Variants in TMEM132C observed in about 807,000 individuals in gnomAD.
TMEM132C encodes the protein transmembrane protein 132C.
In TMEM132C, 29 loss-of-function variants were observed where a neutral mutation model predicts 61.4. The observed-to-expected ratio is 0.47, with a 90% CI of 0.35 to 0.64. The LOEUF (loss-of-function observed/expected upper bound fraction) is 0.64. Ranked by LOEUF, TMEM132C falls within the 30% of genes least tolerant of loss-of-function variation. The pLI is 0.00. For synonymous variants in TMEM132C, 656 were observed against 633.1 expected (o/e 1.04, Z -0.54); for missense variants, 1,408 against 1,476.9 (o/e 0.95, Z 0.76).
chr12:128,587,523 G>A lies in TMEM132C; in HGVS notation c.1122-28629G>A, dbSNP rs113474069. The stretch of plus-strand genomic sequence containing the variant: ...TAGATTTCAGCATCTGGATTTATCC[G>A]GGGGACAGTGAAGGCACAAACATTC... On this transcript the variant is annotated intron_variant, in intron 3 of 8. Coordinates refer to ENST00000435159, the MANE Select transcript of TMEM132C (RefSeq NM_001136103.3). Among the ~76,000 whole-genome samples the A allele has an allele frequency of 1.8e-3, 268 of 152,344 alleles. 1 individual carries two copies. Among genetic ancestry groups the A allele is most frequent in the African/African-American group, 5.8e-3 (243 of 41,586 alleles).
At position 128,287,945 on chromosome 12, in the gene TMEM132C, G is replaced by T. The variant is rs914639074; in HGVS notation, c.85+20458G>T. Among the ~76,000 whole-genome samples the T allele has an allele frequency of 3.3e-5, 5 of 152,052 alleles. No individual in the cohort carries two copies. In the East Asian group the frequency reaches 9.6e-4, roughly 29 times the overall value. ...TGGAGGTAATAGCTGCATTCATTTC[G>T]AATTGATCTAGCCCTTCCGGACATT... On this transcript the variant is annotated intron_variant, in intron 1 of 8. Transcript: ENST00000435159.
At chr12:128,675,834 ATAGAAGATAGAT>A (rs1463778884) in intron 5 of TMEM132C, among the ~76,000 whole-genome samples, 15 of 146,012 alleles carry the variant, frequency 1.0e-4, no homozygotes, top group Non-Finnish European at 1.4e-4. Flanking sequence ...ATTTAGATAG[ATAGAAGATAGAT>A]AGATAGATAG....
chr12:128,553,575 T>C (rs1415327281), intron 3 of TMEM132C, among the ~76,000 whole-genome samples: 1 of 152,230 alleles, frequency 6.6e-6, no homozygotes, highest in Non-Finnish European at 1.5e-5. Context: ...TGGATGGACC[T>C]GAATTTATTT....
intron 2 of TMEM132C, among the ~76,000 whole-genome samples, chr12:128,431,014 G>C (rs545226452): frequency 1.3e-5 from 2 of 152,330 alleles, no homozygotes; most frequent in East Asian, 3.9e-4. Flanking sequence ...AGCTAGAAAT[G>C]ATGAAGCTTC....
chr12:128,625,903 G>A (rs547311758), intron 4 of TMEM132C, among the ~76,000 whole-genome samples: 33 of 152,230 alleles, frequency 2.2e-4, no homozygotes, highest in African/African-American at 7.7e-4. Context: ...CAACCATTGT[G>A]AACACAGGTC....
chr12:128,519,658 G>C (rs1872834201), intron 2 of TMEM132C, among the ~76,000 whole-genome samples: 1 of 152,206 alleles, frequency 6.6e-6, no homozygotes, highest in Non-Finnish European at 1.5e-5. Context: ...CACTGGTAAG[G>C]GAAATGGAAT....
intron 6 of TMEM132C, among the ~76,000 whole-genome samples, chr12:128,695,159 C>G (rs1954749752): frequency 1.3e-5 from 2 of 152,186 alleles, no homozygotes; most frequent in Non-Finnish European, 2.9e-5. Context: ...GCACAAGTAG[C>G]TATGGAGTGC....
chr12:128,393,426 A>C (rs1874835867), intron 1 of TMEM132C, among the ~76,000 whole-genome samples: 2 of 152,332 alleles, frequency 1.3e-5, no homozygotes, highest in Admixed American at 1.3e-4. Context: ...GACAGACAAC[A>C]GGCTTCACCA....
chr12:128,403,500 A>G (rs961746020), intron 1 of TMEM132C, among the ~76,000 whole-genome samples: 6 of 152,144 alleles, frequency 3.9e-5, no homozygotes, highest in African/African-American at 1.4e-4. Context: ...CTTACCCCCA[A>G]CATTTCTGTA....
intron 1 of TMEM132C, among the ~76,000 whole-genome samples, chr12:128,308,948 A>C (rs1871879069): frequency 6.6e-6 from 1 of 152,062 alleles, no homozygotes; most frequent in Non-Finnish European, 1.5e-5. Flanking sequence ...GTTTTCTTCC[A>C]GTGGTGGTAA....
At chr12:128,673,332 G>A (rs140766271) in intron 5 of TMEM132C, among the ~76,000 whole-genome samples, 3 of 152,318 alleles carry the variant, frequency 2.0e-5, no homozygotes, top group African/African-American at 7.2e-5. Context: ...CAGTCCGCAA[G>A]CCAGGAGGGC....
intron 2 of TMEM132C, among the ~76,000 whole-genome samples, chr12:128,467,292 A>G (rs559286381): frequency 2.6e-4 from 40 of 152,328 alleles, no homozygotes; most frequent in African/African-American, 9.4e-4. Context: ...GGAGAATGGC[A>G]GCTGCCAGAG....
chr12:128,531,240 G>A (rs1873287469), intron 2 of TMEM132C, among the ~76,000 whole-genome samples: 1 of 152,054 alleles, frequency 6.6e-6, no homozygotes, highest in Admixed American at 6.6e-5. Flanking sequence ...CTGAGATCCA[G>A]CATTTGATGA....
chr12:128,505,823 T>C (rs974378156), intron 2 of TMEM132C, among the ~76,000 whole-genome samples: 1 of 152,156 alleles, frequency 6.6e-6, no homozygotes, highest in African/African-American at 2.4e-5. Flanking sequence ...ATCTCAGGGC[T>C]TGGCCTCCCT....
In TMEM132C at chr12:128,577,907, G is replaced by T. The variant is rs150547693; in HGVS notation, c.1121+33804G>T. ...GAGGACTCTGCAGTGCCTTCAGGTA[G>T]CCATGGAAGAGTTTCCTAAACACCA... On this transcript the variant is annotated intron_variant, in intron 3 of 8. Coordinates refer to ENST00000435159, the MANE Select transcript of TMEM132C (RefSeq NM_001136103.3). Among the ~76,000 whole-genome samples the T allele has an allele frequency of 4.6e-5, 7 of 152,340 alleles. No individual in the cohort carries two copies. In the East Asian group the frequency reaches 1.3e-3, roughly 29 times the overall value.
intron 1 of TMEM132C, among the ~76,000 whole-genome samples, chr12:128,330,495 A>G (rs1244929498): frequency 1.3e-5 from 2 of 152,160 alleles, no homozygotes; most frequent in African/African-American, 2.4e-5. Flanking sequence ...CAAGGCTGCA[A>G]TGAGCTGTGA....
intron 4 of TMEM132C, among the ~76,000 whole-genome samples, chr12:128,660,098 G>A (rs1954371368): frequency 6.6e-6 from 1 of 152,210 alleles, no homozygotes; most frequent in African/African-American, 2.4e-5. Flanking sequence ...AGCGCTTAAA[G>A]AGAATCTGGC....
At chr12:128,476,848 T>C (rs567991775) in intron 2 of TMEM132C, among the ~76,000 whole-genome samples, 2 of 152,348 alleles carry the variant, frequency 1.3e-5, no homozygotes, top group African/African-American at 4.8e-5. Context: ...ATTTGCCTAC[T>C]ATATTCCCTA....
At chr12:128,592,545 G>A (rs1160230553) in intron 3 of TMEM132C, among the ~76,000 whole-genome samples, 1 of 152,250 alleles carries the variant, frequency 6.6e-6, no homozygotes, top group African/African-American at 2.4e-5. Flanking sequence ...TATCCCCATA[G>A]ATTTCCACTC....
Sources: allele counts gnomAD v4.1 joint callset (sites outside exome capture counted in the v4.1 genomes callset), GRCh38; gene constraint gnomAD v4.1.1; transcripts MANE v1.5; gene names NCBI Gene and HGNC (gene_info 2026-07-23, HGNC 2026-07-21).